The following SYNDIG1L variants were observed in gnomAD, a reference collection of about 807,000 sequenced individuals.
The protein encoded by SYNDIG1L is synapse differentiation inducing 1 like, also known as synapse differentiation-inducing gene protein 1-like.
In SYNDIG1L, 13 loss-of-function variants were observed where a neutral mutation model predicts 20.1. The observed-to-expected ratio is 0.65, with a 90% CI of 0.42 to 1.03. The LOEUF is 1.03. Ranked by LOEUF, SYNDIG1L falls within the 50% of genes least tolerant of loss-of-function variation. The pLI is 0.00. For synonymous variants in SYNDIG1L, 128 were observed against 129.3 expected (o/e 0.99, Z 0.07); for missense variants, 294 against 305.1 (o/e 0.96, Z 0.27).
chr14:74,476,510 C>T, the SYNDIG1L span: 2 of 1,535,432 alleles, frequency 1.3e-6, no homozygotes, highest in Non-Finnish European at 1.7e-6. Context: ...GAATCTCAGG[C>T]TCTTAGTCTC....
At chr14:74,444,778 A>C in the SYNDIG1L span, among the ~76,000 whole-genome samples, 4 of 150,312 alleles carry the variant, frequency 2.7e-5, no homozygotes, top group African/African-American at 5.0e-5. Flanking sequence ...AAAACAAGAC[A>C]AAAAAAATCC....
the SYNDIG1L span, chr14:74,476,369 C>T: frequency 2.7e-6 from 2 of 727,554 alleles, no homozygotes; most frequent in Non-Finnish European, 4.9e-6. Flanking sequence ...CAGAGCTAAG[C>T]TGATCTTTCT....
chr14:74,454,408 C>T, the SYNDIG1L span, among the ~76,000 whole-genome samples: 5 of 152,144 alleles, frequency 3.3e-5, no homozygotes, highest in Non-Finnish European at 7.4e-5. Context: ...CCAGGTCTGT[C>T]CCGCAGACCC....
chr14:74,408,425 A>C (rs2086102356), intron 2 of SYNDIG1L, among the ~76,000 whole-genome samples: 1 of 152,198 alleles, frequency 6.6e-6, no homozygotes, highest in Admixed American at 6.5e-5. Flanking sequence ...TTAGCTGGGC[A>C]TGGTGGCAGG....
rs143595147 is a variant in SYNDIG1L, at chr14:74,418,902, G to A, written c.-58+7010C>T. 4.7e-3 allele frequency among the ~76,000 whole-genome samples: 723 copies of A among 152,348 alleles called. 6 individuals carry two copies. Among genetic ancestry groups the A allele is most frequent in the African/African-American group, 0.015 (639 of 41,580 alleles). On this transcript the variant is annotated intron_variant, in intron 1 of 3. Transcript: ENST00000331628. ...GTGACCTCTGTTAATGCCATACAGA[G>A]TGGAATGATCACATAGCTAAACCCT...
the SYNDIG1L span, among the ~76,000 whole-genome samples, chr14:74,437,159 T>C: frequency 2.0e-5 from 3 of 152,324 alleles, no homozygotes; most frequent in Non-Finnish European, 4.4e-5. Context: ...GCCTCCAGCA[T>C]ATAAGCTCTA....
intron 1 of SYNDIG1L, among the ~76,000 whole-genome samples, chr14:74,417,132 A>G (rs917142514): frequency 1.3e-5 from 2 of 152,246 alleles, no homozygotes; most frequent in African/African-American, 4.8e-5. Context: ...GTTTAGAGAA[A>G]TTAAATCGAT....
upstream of SYNDIG1L, among the ~76,000 whole-genome samples, chr14:74,426,551 A>G (rs1289566425): frequency 2.0e-5 from 3 of 152,196 alleles, no homozygotes; most frequent in Non-Finnish European, 2.9e-5. Context: ...TGAGTTTTTA[A>G]CATTGATCTG....
At chr14:74,432,744 C>T in the SYNDIG1L span, among the ~76,000 whole-genome samples, 1 of 152,062 alleles carries the variant, frequency 6.6e-6, no homozygotes, top group Admixed American at 6.5e-5. Flanking sequence ...GTCCCAGCTA[C>T]TCAGAAGGTT....
intron 1 of SYNDIG1L, among the ~76,000 whole-genome samples, 193 bp from the exon 2 acceptor site, chr14:74,409,994 A>G (rs1440004018): frequency 6.6e-6 from 1 of 152,196 alleles, no homozygotes; most frequent in Non-Finnish European, 1.5e-5. Context: ...TGGGACTGGC[A>G]GTAGTGCTTA....
the SYNDIG1L span, among the ~76,000 whole-genome samples, chr14:74,456,178 T>TC: frequency 6.6e-6 from 1 of 152,156 alleles, no homozygotes; most frequent in Non-Finnish European, 1.5e-5. Context: ...GATGGTCTCA[T>TC]CCCCTCTCTG....
At chr14:74,408,563 CAAA>C (rs758108537) in intron 2 of SYNDIG1L, among the ~76,000 whole-genome samples, 10 of 66,180 alleles carry the variant, frequency 1.5e-4, no homozygotes, top group Admixed American at 3.7e-4. Context: ...GACTCCATCT[CAAA>C]AAAAAAAAAA....
chr14:74,435,291 C>T, the SYNDIG1L span, among the ~76,000 whole-genome samples: 1 of 152,100 alleles, frequency 6.6e-6, no homozygotes, highest in African/African-American at 2.4e-5. Context: ...GTTTTGGTGC[C>T]AATGGACAAG....
At chr14:74,430,715 G>A (rs189546945), upstream of SYNDIG1L, among the ~76,000 whole-genome samples, 79 of 151,868 alleles carry the variant, frequency 5.2e-4, no homozygotes, top group Middle Eastern at 3.4e-3. Flanking sequence ...GATTGCAGGC[G>A]TAAGCCAACA....
the SYNDIG1L span, chr14:74,479,773 C>T: frequency 1.5e-5 from 3 of 196,824 alleles, no homozygotes; most frequent in African/African-American, 7.1e-5. Flanking sequence ...CAAAACAAGG[C>T]CATTTTATAT....
At chr14:74,421,494 C>T (rs2086221164) in intron 1 of SYNDIG1L, among the ~76,000 whole-genome samples, 1 of 152,046 alleles carries the variant, frequency 6.6e-6, no homozygotes, top group Non-Finnish European at 1.5e-5. Flanking sequence ...GAAGCAGAAG[C>T]GTCAAGTGTT....
At chr14:74,426,256 C>A (rs569986083), upstream of SYNDIG1L, among the ~76,000 whole-genome samples, 9 of 152,136 alleles carry the variant, frequency 5.9e-5, no homozygotes, top group South Asian at 1.9e-3. Flanking sequence ...CTCCCGCCGC[C>A]GCCGCCTCCC....
At chr14:74,425,736 A>G (rs751714637) in intron 1 of SYNDIG1L, among the ~76,000 whole-genome samples, 176 bp downstream of exon 1, 1 of 152,056 alleles carries the variant, frequency 6.6e-6, no homozygotes, top group African/African-American at 2.4e-5. Flanking sequence ...CAGCACCCCC[A>G]GCCTGCAGGA....
rs144522691 is a variant in SYNDIG1L at position 74,414,021 on chromosome 14, C to T, written c.-57-4220G>A. 2.3e-3 allele frequency among the ~76,000 whole-genome samples: 344 copies of T among 152,346 alleles called. 3 individuals carry two copies. Among genetic ancestry groups the T allele is most frequent in the African/African-American group, 8.0e-3 (334 of 41,568 alleles). ...GTGGCAGGTCCCCAGACACAGCCTTCCTGCCCTTGGCTTGGCCTGGCCTTT... is the reference window on the plus strand; with the variant it reads ...GTGGCAGGTCCCCAGACACAGCCTTTCTGCCCTTGGCTTGGCCTGGCCTTT... On this transcript the variant is annotated intron_variant, in intron 1 of 3. Coordinates refer to ENST00000331628, the MANE Select transcript of SYNDIG1L (RefSeq NM_001105579.2).
Sources: gnomAD v4.1 joint callset for allele counts (sites outside exome capture counted in the v4.1 genomes callset) on GRCh38, gnomAD v4.1.1 for gene constraint, MANE v1.5 for transcripts, NCBI Gene and HGNC (gene_info 2026-07-23, HGNC 2026-07-21) for gene names.